Variants in RTEL1 observed in about 807,000 individuals in gnomAD.
RTEL1 encodes regulator of telomere elongation helicase 1, also known as regulator of telomere length.
Under a neutral mutation model 162.2 loss-of-function variants are expected in RTEL1, and 86 were observed. That is an observed-to-expected ratio of 0.53 (90% confidence interval 0.45 to 0.63). RTEL1 has a LOEUF of 0.63. RTEL1 is among the 30% of genes least tolerant of loss of function. The pLI, the probability that RTEL1 is intolerant of heterozygous loss-of-function variation, is 0.00. For missense variants in RTEL1, 1,941 were observed against 1,750.2 expected (o/e 1.11, Z -1.95); for synonymous variants, 958 against 717.9 (o/e 1.33, Z -5.35).
chr20:63,694,548 G>A lies in RTEL1; in HGVS notation c.3109+60G>A, dbSNP rs989458996. 50 of 1,404,748 alleles carry A rather than the reference G, an allele frequency of 3.6e-5. 1 individual carries two copies. Among genetic ancestry groups the A allele is most frequent in the South Asian group, 3.0e-4 (24 of 80,834 alleles). The allele number at this position is 1,404,748 out of a possible 1,614,324, so 87.0% of individuals were successfully genotyped here. A position where few individuals can be genotyped will look rare whatever the true frequency, so the allele number is the denominator to read the frequency against. On this transcript the variant is annotated intron_variant, in intron 31 of 34. Transcript: ENST00000360203. ...TTGGTGGGTCCCTCAGTGGCTTCAC[G>A]AGGCTAACTCTTGAGTGTGGCCGGG...
intron 8 of RTEL1, among the ~76,000 whole-genome samples, chr20:63,670,470 C>T (rs536996456): frequency 6.6e-6 from 1 of 152,374 alleles, no homozygotes; most frequent in East Asian, 1.9e-4. Flanking sequence ...ACCAGTTGAG[C>T]ACATGGAAAG....
In RTEL1 at chr20:63,695,249, C is replaced by T. The variant is rs1173731995; in HGVS notation, c.3499+28C>T. On this transcript the variant is annotated intron_variant, in intron 33 of 34. Transcript: ENST00000360203. The stretch of plus-strand genomic sequence containing the variant: ...AGGGCACCTGCCTGGCTGCTCCTGG[C>T]AGCGCCCCAACCGCACGCAGCCCTG... 11 of 1,608,636 alleles carry T rather than the reference C, an allele frequency of 6.8e-6. No individual in the cohort carries two copies. In the East Asian group the frequency reaches 2.2e-4, roughly 33 times the overall value.
Position 63,688,016 on chromosome 20 carries a change from G to A in RTEL1, c.1561G>A (p.Asp521Asn), listed in dbSNP as rs774688252. The A allele has an allele frequency of 2.5e-6, 4 of 1,612,784 alleles. No individual in the cohort carries two copies. The highest frequency in any genetic ancestry group is 3.4e-6 in the Non-Finnish European group (4 of 1,179,976). ...GGTGGGGGTCGTCCCCAGAGGCCCC[G>A]ATGGAGCCCAGTTGAGCTCCGCGTT... ...IWVGVVPRGP[D>N]GAQLSSAFDR... Residue 521 changes from aspartate to asparagine, a missense_variant, in exon 18 of 35, where the codon GAT (aspartate) becomes AAT (asparagine). By Grantham distance (23) the Asp-to-Asn change is conservative (BLOSUM62 1). Transcript: ENST00000360203.
Position 63,687,701 on chromosome 20 carries a change from G to A in RTEL1, c.1412G>A (p.Gly471Asp), listed in dbSNP as rs2090628814. The change falls in exon 17 of 35, where the codon GGC becomes GAC. Residue 471 changes from glycine (G) to aspartate (D), a missense_variant. Gly to Asp is a moderately conservative substitution (Grantham distance 94, BLOSUM62 -1). Coordinates refer to ENST00000360203, the MANE Select transcript of RTEL1 (RefSeq NM_001283009.2). ...AGCATGCACGAGCTGGTCCGCCAGG[G>A]CGTCCGCTCCCTCATCCTTACCAGC... The part of the protein sequence containing the change: ...GHSMHELVRQ[G>D]VRSLILTSGT... 1.9e-6 allele frequency: 3 copies of A among 1,606,234 alleles called. No individual in the cohort carries two copies. The highest frequency in any genetic ancestry group is 2.5e-6 in the Non-Finnish European group (3 of 1,178,088).
intron 28 of RTEL1, chr20:63,692,183 A>G (rs568657567): frequency 8.1e-6 from 2 of 246,900 alleles, no homozygotes; most frequent in East Asian, 1.1e-4. Flanking sequence ...ACGGAGTTAT[A>G]GCCGGAGCCA....
chr20:63,690,470 T>TG, intron 26 of RTEL1, 29 bp downstream of exon 26: 1 of 1,177,310 alleles, frequency 8.5e-7, no homozygotes, highest in Non-Finnish European at 1.1e-6. Flanking sequence ...GGGTGGGCGG[T>TG]GTGGGGGTGG....
intron 6 of RTEL1, among the ~76,000 whole-genome samples, chr20:63,665,785 C>G (rs1367786830): frequency 6.6e-6 from 1 of 152,192 alleles, no homozygotes; most frequent in Non-Finnish European, 1.5e-5. Context: ...AACCTCAGGC[C>G]TTCTGGGGGC....
At position 63,695,533 on chromosome 20, in the gene RTEL1, C is replaced by T. The variant is rs760686150; in HGVS notation, c.3705C>T (p.Gly1235=). Residue 1235 remains glycine, a synonymous_variant, in exon 34 of 35, where the codon GGC becomes GGT. Transcript: ENST00000360203. The part of the protein sequence containing the change: ...IAGQQATGAP[G]GPLSAGCVCQ... ...GGCAGCAGGCCACGGGAGCTCCGGG[C>T]GGGCCCCTCTCAGCAGGCTGTGTGT... is the stretch of plus-strand genomic sequence containing the variant. The T allele has an allele frequency of 4.3e-6, 7 of 1,612,234 alleles. No homozygotes were observed. The highest frequency in any genetic ancestry group is 1.1e-5 in the South Asian group (1 of 91,036).
At chr20:63,678,838 GGCACACACTCCCACGGAA>G (rs1569095970) in intron 12 of RTEL1, among the ~76,000 whole-genome samples, 5 of 105,608 alleles carry the variant, frequency 4.7e-5, no homozygotes, top group African/African-American at 2.5e-4. Context: ...CCCACGGAAC[GGCACACACTCCCACGGAA>G]CAGCAGACTC....
intron 14 of RTEL1, among the ~76,000 whole-genome samples, chr20:63,683,114 C>T (rs571080845): frequency 6.6e-6 from 1 of 152,330 alleles, no homozygotes; most frequent in East Asian, 1.9e-4. Flanking sequence ...CAGGTGTGCA[C>T]CACCGCACTC....
rs768215418 is a variant in RTEL1 at position 63,694,933 on chromosome 20, C to T, written c.3302C>T (p.Ala1101Val). The T allele has an allele frequency of 3.1e-6, 5 of 1,612,510 alleles. No homozygotes were observed. In the South Asian group the frequency reaches 4.4e-5, roughly 14 times the overall value. ...GACAAGGTGCTGGCTGTGTTGGCCG[C>T]CCTGACCACTGCAAAGCCAGAGGAC... ...DLDKVLAVLA[A>V]LTTAKPEDFP... Residue 1101 changes from alanine to valine, a missense_variant, in exon 32 of 35, where the codon GCC becomes GTC. By Grantham distance (64) the Ala-to-Val change is moderately conservative (BLOSUM62 0). Coordinates refer to ENST00000360203, the MANE Select transcript of RTEL1 (RefSeq NM_001283009.2).
chr20:63,696,065 G>C lies in RTEL1; in HGVS notation c.*207G>C. ...CTCTGAGAAGCCCTGAGCTACCTTG[G>C]GGTCTGGGGTGGGTTTCTGGGAAAG... On this transcript the variant is annotated 3_prime_UTR_variant, in exon 35 of 35. Transcript: ENST00000360203. 1.7e-6 allele frequency: 1 copy of C among 574,964 alleles called. No individual in the cohort carries two copies. The highest frequency in any genetic ancestry group is 3.1e-6 in the Non-Finnish European group (1 of 327,052). The allele number at this position is 574,964 out of a possible 1,614,324, so 35.6% of individuals were successfully genotyped here. A position where few individuals can be genotyped will look rare whatever the true frequency, so the allele number is the denominator to read the frequency against.
chr20:63,659,166 A>G (rs2089968821), intron 1 of RTEL1, 67 bp from the exon 2 acceptor site: 2 of 536,348 alleles, frequency 3.7e-6, no homozygotes, highest in Admixed American at 3.0e-5. Flanking sequence ...ACTGATGGAA[A>G]CGCCTGGGAA....
intron 8 of RTEL1, 60 bp downstream of exon 8, chr20:63,667,613 G>C: frequency 1.4e-6 from 2 of 1,380,724 alleles, no homozygotes; most frequent in Middle Eastern, 1.8e-4. Context: ...CTGGGCTTGG[G>C]AACAGCTGTC....
At position 63,659,471 on chromosome 20, in the gene RTEL1, G is replaced by T; in HGVS notation, c.69G>T (p.Glu23Asp). 6.2e-7 allele frequency: 1 copy of T among 1,614,154 alleles called. No homozygotes were observed. Among genetic ancestry groups the T allele is most frequent in the Non-Finnish European group, 8.5e-7 (1 of 1,179,964 alleles). The change falls in exon 2 of 35, where the codon GAG becomes GAT. Residue 23 changes from glutamate to aspartate, a missense_variant. By Grantham distance (45) the Glu-to-Asp change is conservative (BLOSUM62 2). Coordinates refer to ENST00000360203, the MANE Select transcript of RTEL1 (RefSeq NM_001283009.2). ...FPFQPYKCQQ[E>D]YMTKVLECLQ... ...TCCAGCCCTACAAATGCCAACAGGAGTACATGACCAAGGTCCTGGAATGTC... is the reference window on the plus strand; with the variant it reads ...TCCAGCCCTACAAATGCCAACAGGATTACATGACCAAGGTCCTGGAATGTC...
At chr20:63,658,971 G>T (rs1239938118) in intron 1 of RTEL1, among the ~76,000 whole-genome samples, 1 of 152,242 alleles carries the variant, frequency 6.6e-6, no homozygotes. Flanking sequence ...CAGCCCTCAC[G>T]CTCTTGTGGA....
intron 30 of RTEL1, among the ~76,000 whole-genome samples, chr20:63,694,013 G>A (rs2090896920): frequency 6.6e-6 from 1 of 151,886 alleles, no homozygotes; most frequent in African/African-American, 2.4e-5. Flanking sequence ...GTGTTCGTGT[G>A]TTAATGAACA....
rs560437856 is a variant in RTEL1, at chr20:63,672,944, G to C, written c.765+323G>C. On this transcript the variant is annotated intron_variant, in intron 9 of 34. Coordinates refer to ENST00000360203, the MANE Select transcript of RTEL1 (RefSeq NM_001283009.2). Reference sequence around the variant, plus strand: ...TCTCCTCTGCCCTCGGCAGCAGCAGGCTTGTGGTCTTGCCTGCAGTGTCTC... The same window carrying C: ...TCTCCTCTGCCCTCGGCAGCAGCAGCCTTGTGGTCTTGCCTGCAGTGTCTC... 2.2e-4 allele frequency among the ~76,000 whole-genome samples: 34 copies of C among 152,334 alleles called. 1 individual carries two copies. In the East Asian group the frequency reaches 6.2e-3, roughly 28 times the overall value.
At chr20:63,664,662 C>T (rs2090089134) in intron 6 of RTEL1, among the ~76,000 whole-genome samples, 1 of 152,250 alleles carries the variant, frequency 6.6e-6, no homozygotes, top group Non-Finnish European at 1.5e-5. Flanking sequence ...TGAACCTTCG[C>T]ACCCTGTCTG....
Sources: gnomAD v4.1 joint callset for allele counts (sites outside exome capture counted in the v4.1 genomes callset) on GRCh38, gnomAD v4.1.1 for gene constraint, MANE v1.5 for transcripts, NCBI Gene and HGNC (gene_info 2026-07-23, HGNC 2026-07-21) for gene names.